The following TMCC3 variants were observed in gnomAD, a reference collection of about 807,000 sequenced individuals.
TMCC3 encodes the protein transmembrane and coiled-coil domain family 3.
In TMCC3, 28 loss-of-function variants were observed where a neutral mutation model predicts 40.2. The observed-to-expected ratio is 0.70, with a 90% confidence interval of 0.52 to 0.95. TMCC3 has a LOEUF of 0.95. TMCC3 is among the 40% of genes least tolerant of loss of function. The probability of loss-of-function intolerance (pLI) is 0.00; values close to 1 mark genes in which losing one functional copy is unlikely to be tolerated. For missense variants in TMCC3, 554 were observed against 615.2 expected, an observed-to-expected ratio of 0.90 and a Z score of 1.05; for synonymous variants, 255 against 248.5, an observed-to-expected ratio of 1.03 and a Z score of -0.25.
In TMCC3 at chr12:94,571,250, CGAA is replaced by C; in HGVS notation, c.*182_*184del. 1 of 647,984 alleles carries C rather than the reference CGAA, an allele frequency of 1.5e-6. No individual in the cohort carries two copies. The highest frequency in any genetic ancestry group is 2.6e-6 in the Non-Finnish European group (1 of 383,882). 40.1% of individuals were successfully genotyped at this position (647,984 alleles called of 1,614,324 possible). On this transcript the variant is annotated 3_prime_UTR_variant, in exon 4 of 4. Transcript: ENST00000261226. ...GAGCTCTGAAACAGATTCGTGTTAA[CGAA>C]GTACAAGGACTGAGTTGGCAACTGC...
chr12:94,622,566 T>C (rs900033020), intron 1 of TMCC3, among the ~76,000 whole-genome samples: 2 of 152,214 alleles, frequency 1.3e-5, no homozygotes, highest in Admixed American at 6.5e-5. Context: ...CCCAGTGCGA[T>C]TCAAATCTGT....
chr12:94,581,583 A>G, intron 2 of TMCC3, 39 bp downstream of exon 2: 1 of 1,244,972 alleles, frequency 8.0e-7, no homozygotes, highest in Non-Finnish European at 1.0e-6. Context: ...ATAAATAAAT[A>G]AAAAATAAAA....
At chr12:94,642,758 C>T (rs578172690) in intron 1 of TMCC3, among the ~76,000 whole-genome samples, 5 of 152,314 alleles carry the variant, frequency 3.3e-5, no homozygotes, top group South Asian at 4.1e-4. Context: ...GAACATTAAC[C>T]GAGCATTTAG....
intron 1 of TMCC3, chr12:94,613,899 C>G (rs2068831183): frequency 6.6e-6 from 1 of 152,002 alleles, no homozygotes; most frequent in Admixed American, 6.6e-5. Flanking sequence ...TCGAGACCAT[C>G]CTGGCTGACA....
intron 1 of TMCC3, among the ~76,000 whole-genome samples, chr12:94,646,264 G>C (rs12314753): frequency 0.054 from 8,196 of 152,032 alleles, 738 homozygotes; most frequent in African/African-American, 0.19. Flanking sequence ...AGAGAGATGG[G>C]GGAGGGCAGG....
intron 1 of TMCC3, among the ~76,000 whole-genome samples, chr12:94,627,320 G>A (rs924539188): frequency 2.0e-5 from 3 of 152,138 alleles, no homozygotes; most frequent in African/African-American, 7.2e-5. Context: ...CACTAGGGGA[G>A]GGCTTTACCA....
chr12:94,589,631 G>A (rs1351183806), intron 1 of TMCC3, among the ~76,000 whole-genome samples: 2 of 150,840 alleles, frequency 1.3e-5, no homozygotes, highest in African/African-American at 2.4e-5. Flanking sequence ...AATTGCCTGG[G>A]GGCACACAGC....
intron 2 of TMCC3, among the ~76,000 whole-genome samples, chr12:94,580,091 A>C (rs559168655): frequency 2.0e-5 from 3 of 152,230 alleles, no homozygotes; most frequent in Admixed American, 1.3e-4. Context: ...ATCAATTATA[A>C]AACAATAAGT....
chr12:94,628,739 CTGG>C (rs2068916711), intron 1 of TMCC3, among the ~76,000 whole-genome samples: 1 of 152,154 alleles, frequency 6.6e-6, no homozygotes, highest in Non-Finnish European at 1.5e-5. Flanking sequence ...GTGGGTTAGA[CTGG>C]TGGTGGAGAA....
At chr12:94,576,607 C>G (rs1468148450) in intron 3 of TMCC3, among the ~76,000 whole-genome samples, 2 of 152,126 alleles carry the variant, frequency 1.3e-5, no homozygotes, top group African/African-American at 4.8e-5. Context: ...TCCTGAGTTT[C>G]TGGGACTACA....
intron 1 of TMCC3, among the ~76,000 whole-genome samples, chr12:94,603,457 CG>C (rs2068764427): frequency 6.6e-6 from 1 of 152,078 alleles, no homozygotes; most frequent in South Asian, 2.1e-4. Context: ...AGCAACAAGT[CG>C]TTAAAAACCA....
intron 1 of TMCC3, among the ~76,000 whole-genome samples, chr12:94,620,151 G>A (rs749248008): frequency 1.8e-4 from 27 of 151,602 alleles, no homozygotes; most frequent in African/African-American, 5.6e-4. Context: ...CAACAAAAGC[G>A]AGACTGTCTC....
In TMCC3 at chr12:94,593,405, AAG is replaced by A. The variant is rs373254115; in HGVS notation, c.79-10869_79-10868del. The stretch of plus-strand genomic sequence containing the variant: ...AAAGAAAGAAGAAAGAAGAAAGAAG[AAG>A]AAGGAAGAAGAAGAAGGAAGAAGAA... On this transcript the variant is annotated intron_variant, in intron 1 of 3. Transcript: ENST00000261226. 2.5e-4 allele frequency among the ~76,000 whole-genome samples: 8 copies of A among 32,384 alleles called. 1 individual carries two copies. The highest frequency in any genetic ancestry group is 8.6e-4 in the African/African-American group (7 of 8,122). 21.2% of individuals were successfully genotyped at this position (32,384 alleles called of 152,430 possible).
chr12:94,589,983 T>A (rs1264033077), intron 1 of TMCC3, among the ~76,000 whole-genome samples: 1 of 152,186 alleles, frequency 6.6e-6, no homozygotes, highest in Non-Finnish European at 1.5e-5. Context: ...CTGGGCTTCG[T>A]TTAGACTACT....
At chr12:94,627,853 G>A (rs866727937) in intron 1 of TMCC3, among the ~76,000 whole-genome samples, 2 of 152,202 alleles carry the variant, frequency 1.3e-5, no homozygotes, top group Non-Finnish European at 2.9e-5. Flanking sequence ...GTATAGGTCT[G>A]GCTTGTCTGC....
chr12:94,603,357 T>C (rs1436453923), intron 1 of TMCC3, among the ~76,000 whole-genome samples: 1 of 152,188 alleles, frequency 6.6e-6, no homozygotes, highest in Non-Finnish European at 1.5e-5. Flanking sequence ...CCTCATGTGA[T>C]CTGCCTGCCT....
intron 1 of TMCC3, among the ~76,000 whole-genome samples, chr12:94,589,680 T>A (rs2138835233): frequency 6.6e-6 from 1 of 152,362 alleles, no homozygotes; most frequent in African/African-American, 2.4e-5. Context: ...TCTGGCTGTC[T>A]GTCTCCAGTG....
intron 1 of TMCC3, chr12:94,644,390 T>C (rs1294070103): frequency 1.7e-5 from 17 of 985,330 alleles, no homozygotes; most frequent in Admixed American, 6.2e-5. Context: ...GGTTGATTTC[T>C]GACCTTAGCA....
intron 2 of TMCC3, 76 bp from the exon 3 acceptor site, chr12:94,578,605 G>A (rs2068582326): frequency 6.7e-7 from 1 of 1,494,012 alleles, no homozygotes; most frequent in African/African-American, 1.4e-5. Flanking sequence ...TTATCTTCCT[G>A]CGCCAGTACC....
Sources: gnomAD v4.1 joint callset for allele counts (sites outside exome capture counted in the v4.1 genomes callset) on GRCh38, gnomAD v4.1.1 for gene constraint, MANE v1.5 for transcripts, NCBI Gene and HGNC (gene_info 2026-07-23, HGNC 2026-07-21) for gene names.